Variants in DOCK8 observed in about 807,000 individuals in gnomAD.
DOCK8 encodes dedicator of cytokinesis 8.
In DOCK8, 141 loss-of-function variants were observed where a neutral mutation model predicts 245.6. The observed-to-expected ratio is 0.57, with a 90% CI of 0.50 to 0.66. DOCK8 has a LOEUF of 0.66. Ranked by LOEUF, DOCK8 falls within the 30% of genes least tolerant of loss-of-function variation. DOCK8 has a pLI of 0.00. For missense variants in DOCK8, 2,965 were observed against 2,603.4 expected (o/e 1.14, Z -3.02); for synonymous variants, 1,168 against 970.2 (o/e 1.20, Z -3.79).
At chr9:235,696 T>C (rs1331190634) in intron 1 of DOCK8, among the ~76,000 whole-genome samples, 1 of 152,216 alleles carries the variant, frequency 6.6e-6, no homozygotes, top group Non-Finnish European at 1.5e-5. Context: ...CATAGGACCC[T>C]CTGAGCCATG....
chr9:269,781 C>A (rs2048116432), intron 1 of DOCK8, among the ~76,000 whole-genome samples: 1 of 152,134 alleles, frequency 6.6e-6, no homozygotes, highest in Non-Finnish European at 1.5e-5. Context: ...TGGTCATGAA[C>A]TCCTGACCTC....
At chr9:345,333 G>A (rs7028459) in intron 14 of DOCK8, among the ~76,000 whole-genome samples, 119,606 of 151,928 alleles carry the variant, frequency 0.79, 47,624 homozygotes, top group South Asian at 0.88. Flanking sequence ...AAGTTGATCT[G>A]CCTGGAGCTT....
At chr9:273,925 C>CG (rs1284998230) in intron 2 of DOCK8, among the ~76,000 whole-genome samples, 1 of 152,092 alleles carries the variant, frequency 6.6e-6, no homozygotes, top group African/African-American at 2.4e-5. Flanking sequence ...GGGCTGGTCT[C>CG]TAACTCCTGA....
intron 1 of DOCK8, among the ~76,000 whole-genome samples, chr9:261,263 G>A (rs1187917016): frequency 6.6e-6 from 1 of 152,052 alleles, no homozygotes; most frequent in African/African-American, 2.4e-5. Flanking sequence ...ATATAACTAT[G>A]TCTAAATATT....
In DOCK8 at chr9:368,048, G is replaced by A. The variant is rs142434917; in HGVS notation, c.1710G>A (p.Leu570=). Residue 570 remains leucine, a synonymous_variant, in exon 15 of 48, where the codon CTG becomes CTA. Coordinates refer to ENST00000432829, the MANE Select transcript of DOCK8 (RefSeq NM_203447.4). The part of the protein sequence containing the change: ...RNLLYVYPQR[L]NFVNKLASAR... ...TTCTCTATGTCTACCCACAGAGGCT[G>A]AACTTTGTAAACAAACTAGCATCAG... 12 of 1,613,986 alleles carry A rather than the reference G, an allele frequency of 7.4e-6. No homozygotes were observed. The highest frequency in any genetic ancestry group is 1.6e-4 in the Middle Eastern group (1 of 6,084).
intron 14 of DOCK8, among the ~76,000 whole-genome samples, chr9:347,822 G>T (rs2051976879): frequency 6.6e-6 from 1 of 152,070 alleles, no homozygotes; most frequent in African/African-American, 2.4e-5. Flanking sequence ...AAAAATTCAG[G>T]AGGGAACCAA....
chr9:285,827 T>G lies in DOCK8; in HGVS notation c.157-634T>G, dbSNP rs572304280. Among the ~76,000 whole-genome samples the G allele has an allele frequency of 2.1e-3, 326 of 152,300 alleles. 1 individual carries two copies. Among genetic ancestry groups the G allele is most frequent in the Non-Finnish European group, 3.8e-3 (258 of 68,024 alleles). ...AAAACTCAGCAGATTGCCCTGAGTT[T>G]CCTTGCGTAGCTGCAGTCCAGTGGA... is the stretch of plus-strand genomic sequence containing the variant. On this transcript the variant is annotated intron_variant, in intron 2 of 47. Coordinates refer to ENST00000432829, the MANE Select transcript of DOCK8 (RefSeq NM_203447.4).
intron 6 of DOCK8, 162 bp downstream of exon 6, chr9:312,328 TAGC>T (rs1356273042): frequency 3.8e-6 from 3 of 793,200 alleles, no homozygotes; most frequent in African/African-American, 3.4e-5. Context: ...CTGTGTGTCA[TAGC>T]AGAGCCATTA....
intron 2 of DOCK8, among the ~76,000 whole-genome samples, chr9:282,330 C>T (rs2048622375): frequency 6.6e-6 from 1 of 151,820 alleles, no homozygotes; most frequent in African/African-American, 2.4e-5. Flanking sequence ...CTGTAGATAA[C>T]AGGGGCCGTT....
chr9:224,068 GTAAT>G (rs1310540186), intron 1 of DOCK8, among the ~76,000 whole-genome samples: 1 of 152,174 alleles, frequency 6.6e-6, no homozygotes, highest in African/African-American at 2.4e-5. Context: ...AGTTCTGAAA[GTAAT>G]TGCAAAGAGG....
intron 28 of DOCK8, 101 bp from the exon 29 acceptor site, chr9:414,681 C>A (rs2055902747): frequency 3.8e-5 from 55 of 1,431,414 alleles, no homozygotes; most frequent in Non-Finnish European, 5.3e-5. Flanking sequence ...TTCACAGTCA[C>A]CTCATTGCTT....
intron 32 of DOCK8, among the ~76,000 whole-genome samples, 196 bp downstream of exon 32, chr9:421,274 A>T (rs1000223524): frequency 6.6e-6 from 1 of 152,210 alleles, no homozygotes; most frequent in Non-Finnish European, 1.5e-5. Context: ...GCTGTTCTAC[A>T]ATTGTAGGAA....
intron 4 of DOCK8, among the ~76,000 whole-genome samples, chr9:291,367 C>T (rs77013020): frequency 0.022 from 3,372 of 152,252 alleles, 126 homozygotes; most frequent in African/African-American, 0.074. Flanking sequence ...CACTCAGTTT[C>T]ACTCTAGACA....
At chr9:406,225 G>A (rs1181274415) in intron 27 of DOCK8, among the ~76,000 whole-genome samples, 1 of 152,100 alleles carries the variant, frequency 6.6e-6, no homozygotes, top group South Asian at 2.1e-4. Context: ...CGGGCACGGT[G>A]GCTCACATTT....
At chr9:222,726 T>G (rs2046911791) in intron 1 of DOCK8, among the ~76,000 whole-genome samples, 1 of 152,252 alleles carries the variant, frequency 6.6e-6, no homozygotes, top group African/African-American at 2.4e-5. Flanking sequence ...TCTATCCTTT[T>G]TCACTTTCTG....
chr9:453,189 C>T (rs1216605671), intron 46 of DOCK8, among the ~76,000 whole-genome samples: 1 of 152,230 alleles, frequency 6.6e-6, no homozygotes, highest in Non-Finnish European at 1.5e-5. Flanking sequence ...AGGAGACACA[C>T]TGTGCCCTGC....
intron 22 of DOCK8, among the ~76,000 whole-genome samples, chr9:383,371 A>G (rs2131303521): frequency 6.6e-6 from 1 of 152,310 alleles, no homozygotes; most frequent in South Asian, 2.1e-4. Context: ...CGTCTCTACT[A>G]AAAATACAAA....
intron 7 of DOCK8, among the ~76,000 whole-genome samples, chr9:322,923 T>C (rs1383416428): frequency 6.6e-6 from 1 of 151,858 alleles, no homozygotes; most frequent in Admixed American, 6.6e-5. Flanking sequence ...TAAGACCCCA[T>C]CTCTACTAAA....
rs551561693 is a variant in DOCK8, at chr9:463,255, T to C, written c.6069-262T>C. Among the ~76,000 whole-genome samples the C allele has an allele frequency of 2.5e-3, 339 of 134,602 alleles. 2 individuals are homozygous for C. Among genetic ancestry groups the C allele is most frequent in the African/African-American group, 8.3e-3 (318 of 38,274 alleles). 88.3% of individuals were successfully genotyped at this position (134,602 alleles called of 152,430 possible). On this transcript the variant is annotated intron_variant, in intron 46 of 47. Coordinates refer to ENST00000432829, the MANE Select transcript of DOCK8 (RefSeq NM_203447.4). ...CCTGGGTGATAGAGTGAGCCCCGTC[T>C]CAAAAAATAATAAAATAAGGTAAAA...
Sources: allele counts gnomAD v4.1 joint callset (sites outside exome capture counted in the v4.1 genomes callset), GRCh38; gene constraint gnomAD v4.1.1; transcripts MANE v1.5; gene names NCBI Gene and HGNC (gene_info 2026-07-23, HGNC 2026-07-21).